Variants in ROR2 observed in about 807,000 individuals in gnomAD.
ROR2 encodes ROR family WNT receptor 2.
Under a neutral mutation model 74.9 loss-of-function variants are expected in ROR2, and 33 were observed. That is an observed-to-expected ratio of 0.44 (90% CI 0.33 to 0.59). ROR2 has a LOEUF of 0.59. Among genes scored for constraint, ROR2 ranks in the 20% least tolerant of loss-of-function variants. ROR2 has a pLI of 0.02. For missense variants in ROR2, 1,216 were observed against 1,313.8 expected (o/e 0.93, Z 1.15); for synonymous variants, 586 against 558.7 (o/e 1.05, Z -0.69).
intron 1 of ROR2, among the ~76,000 whole-genome samples, chr9:91,913,691 T>TG (rs1272563607): frequency 6.6e-6 from 1 of 152,238 alleles, no homozygotes; most frequent in African/African-American, 2.4e-5. Flanking sequence ...CCGGCCAGTC[T>TG]GTACTTTCAC....
intron 4 of ROR2, among the ~76,000 whole-genome samples, chr9:91,740,814 A>G (rs1825209840): frequency 6.6e-6 from 1 of 152,104 alleles, no homozygotes; most frequent in South Asian, 2.1e-4. Flanking sequence ...TTTGGCAGCT[A>G]TAAAATTCCT....
At chr9:91,777,436 ATGT>A (rs938205795) in intron 1 of ROR2, among the ~76,000 whole-genome samples, 55 of 152,022 alleles carry the variant, frequency 3.6e-4, no homozygotes, top group African/African-American at 1.3e-3. Flanking sequence ...CATCATCAAA[ATGT>A]TATTATTAGT....
intron 1 of ROR2, among the ~76,000 whole-genome samples, chr9:91,884,357 G>A (rs1830210841): frequency 6.6e-6 from 1 of 151,772 alleles, no homozygotes; most frequent in Non-Finnish European, 1.5e-5. Flanking sequence ...GTACCCCTGT[G>A]ACAGGGAGTC....
In ROR2 at chr9:91,723,804, G is replaced by T; in HGVS notation, c.2690C>A (p.Thr897Lys). 1 of 1,613,922 alleles carries T rather than the reference G, an allele frequency of 6.2e-7. No individual in the cohort carries two copies. The change falls in exon 9 of 9, where the codon ACA becomes AAA. Residue 897 changes from threonine (T) to lysine (K), a missense_variant. Thr to Lys is a moderately conservative substitution (Grantham distance 78). Transcript: ENST00000375708. ...GGCCCCATCTTCTGGGGCGTTCTGT[G>T]TGTCATCAGCGCCCTCTGAGAGCAG... ...AALLSEGADD[T>K]QNAPEDGAQS...
chr9:91,943,513 C>T (rs1270591122), intron 1 of ROR2, among the ~76,000 whole-genome samples: 1 of 152,140 alleles, frequency 6.6e-6, no homozygotes, highest in Non-Finnish European at 1.5e-5. Context: ...TCAGTGAGCA[C>T]CCTGGCTACA....
chr9:91,840,454 T>C (rs1214829404), intron 1 of ROR2, among the ~76,000 whole-genome samples: 1 of 152,102 alleles, frequency 6.6e-6, no homozygotes, highest in Non-Finnish European at 1.5e-5. Context: ...CTCTGTTCAT[T>C]AAAATAAACC....
chr9:91,925,771 T>A (rs978845971), intron 1 of ROR2, among the ~76,000 whole-genome samples: 6 of 152,100 alleles, frequency 3.9e-5, no homozygotes, highest in African/African-American at 1.4e-4. Flanking sequence ...TACCCTTTCA[T>A]TGCACAGAAT....
At chr9:91,871,588 C>T (rs1829798846) in intron 1 of ROR2, among the ~76,000 whole-genome samples, 1 of 152,164 alleles carries the variant, frequency 6.6e-6, no homozygotes, top group East Asian at 1.9e-4. Context: ...CCCCGACACT[C>T]CCCCAACAAG....
intron 2 of ROR2, among the ~76,000 whole-genome samples, chr9:91,772,775 TTAACAACAACAACAAAAAAGTCAAGAG>T (rs1826277884): frequency 6.6e-6 from 1 of 152,074 alleles, no homozygotes; most frequent in Non-Finnish European, 1.5e-5. Flanking sequence ...CACTTGTGGG[TTAACAACAACAACAAAAAAGTCAAGAG>T]ATTATCAAAT....
rs751339713 is a variant in ROR2 at position 91,723,946 on chromosome 9, G to T, written c.2548C>A (p.Gln850Lys). 1.9e-6 allele frequency: 3 copies of T among 1,613,548 alleles called. No homozygotes were observed. The South Asian group carries it at 3.3e-5, about 18-fold the overall frequency. The change falls in exon 9 of 9, where the codon CAG becomes AAG. Residue 850 changes from glutamine (Q) to lysine (K), a missense_variant. Physicochemically the swap from Gln to Lys is moderately conservative, Grantham distance 53 (BLOSUM62 1). Coordinates refer to ENST00000375708, the MANE Select transcript of ROR2 (RefSeq NM_004560.4). ...VQIPMQMAPQQVPPQMVPKPS... is the reference protein window; with the variant it reads ...VQIPMQMAPQKVPPQMVPKPS... ...TTGGGGACCATCTGAGGAGGCACCT[G>T]CTGCGGGGCCATCTGCATTGGGATC...
intron 6 of ROR2, 55 bp from the exon 7 acceptor site, chr9:91,731,210 C>T (rs764021846): frequency 1.5e-5 from 24 of 1,610,104 alleles, no homozygotes; most frequent in Admixed American, 1.0e-4. Context: ...AACCATTCTG[C>T]CTACACATGC....
chr9:91,737,247 A>G (rs1242011652), intron 5 of ROR2, 144 bp downstream of exon 5: 1 of 1,100,520 alleles, frequency 9.1e-7, no homozygotes, highest in African/African-American at 1.5e-5. Context: ...CTTCTAAAAA[A>G]GATCTCTGGT....
rs973449347 is a variant in ROR2 at position 91,795,122 on chromosome 9, G to GA, written c.98-19305dup. Among the ~76,000 whole-genome samples, 667 of 141,612 alleles carry GA rather than the reference G, an allele frequency of 4.7e-3. 4 individuals are homozygous for GA. The highest frequency in any genetic ancestry group is 0.015 in the African/African-American group (585 of 38,638). 92.9% of individuals were successfully genotyped at this position (141,612 alleles called of 152,430 possible). ...AACATAGCAAGACTCCATCTCAATA[G>GA]AAAAAAAAAAAAGTAATGCATTATA... is the stretch of plus-strand genomic sequence containing the variant. On this transcript the variant is annotated intron_variant, in intron 1 of 8. Transcript: ENST00000375708.
At chr9:91,886,448 C>G (rs1010822095) in intron 1 of ROR2, among the ~76,000 whole-genome samples, 1 of 152,178 alleles carries the variant, frequency 6.6e-6, no homozygotes, top group Non-Finnish European at 1.5e-5. Flanking sequence ...CTCCCCACAC[C>G]GCGATCTGTC....
At chr9:91,839,802 C>A (rs1429215886) in intron 1 of ROR2, among the ~76,000 whole-genome samples, 1 of 151,744 alleles carries the variant, frequency 6.6e-6, no homozygotes, top group Non-Finnish European at 1.5e-5. Context: ...CCGGGGGAGC[C>A]TCGGGAGCCA....
chr9:91,860,605 G>C (rs1314125577), intron 1 of ROR2, among the ~76,000 whole-genome samples: 1 of 152,218 alleles, frequency 6.6e-6, no homozygotes, highest in African/African-American at 2.4e-5. Flanking sequence ...CTCAATTCAA[G>C]GCCAAAGGCC....
intron 1 of ROR2, among the ~76,000 whole-genome samples, chr9:91,785,862 ATC>A (rs34443107): frequency 0.085 from 12,951 of 152,234 alleles, 655 homozygotes; most frequent in Middle Eastern, 0.14. Flanking sequence ...AGGTTCCACA[ATC>A]TCTCTGACAA....
chr9:91,775,641 G>A, intron 2 of ROR2, 100 bp downstream of exon 2: 10 of 1,100,548 alleles, frequency 9.1e-6, no homozygotes, highest in Non-Finnish European at 1.4e-5. Flanking sequence ...CAAGGGGCCA[G>A]AGGACCCCCA....
At chr9:91,918,221 T>C (rs546925455) in intron 1 of ROR2, among the ~76,000 whole-genome samples, 4 of 149,852 alleles carry the variant, frequency 2.7e-5, no homozygotes, top group South Asian at 4.2e-4. Context: ...TGAGCTGAGA[T>C]TGCGCCACCG....
Sources: gnomAD v4.1 joint callset for allele counts (sites outside exome capture counted in the v4.1 genomes callset) on GRCh38, gnomAD v4.1.1 for gene constraint, MANE v1.5 for transcripts, NCBI Gene and HGNC (gene_info 2026-07-23, HGNC 2026-07-21) for gene names.